Variants in PPP1R3A observed in about 807,000 individuals in gnomAD.
The protein encoded by PPP1R3A is protein phosphatase 1 regulatory subunit 3A.
Under a neutral mutation model 41.7 loss-of-function variants are expected in PPP1R3A, and 29 were observed. That is an observed-to-expected ratio of 0.70 (90% CI 0.52 to 0.95). The LOEUF (loss-of-function observed/expected upper bound fraction) is 0.95, where lower values mean the gene tolerates loss of function less well. PPP1R3A is among the 40% of genes least tolerant of loss of function. The pLI, the probability that PPP1R3A is intolerant of heterozygous loss-of-function variation, is 0.00. For missense variants in PPP1R3A, 1,352 were observed against 1,292.4 expected, an observed-to-expected ratio of 1.05 and a Z score of -0.71; for synonymous variants, 485 against 453.4, an observed-to-expected ratio of 1.07 and a Z score of -0.89.
intron 1 of PPP1R3A, among the ~76,000 whole-genome samples, chr7:113,896,192 C>T (rs1796972386): frequency 6.6e-6 from 1 of 151,868 alleles, no homozygotes. Flanking sequence ...CAAATGTCCA[C>T]ATTTTGTGTT....
chr7:113,910,388 T>A (rs991321109), intron 1 of PPP1R3A, among the ~76,000 whole-genome samples: 65 of 152,168 alleles, frequency 4.3e-4, no homozygotes, highest in African/African-American at 1.3e-3. Context: ...AAGTACTGTA[T>A]TAACATTGGA....
At position 113,879,061 on chromosome 7, in the gene PPP1R3A, T is replaced by C. The variant is rs1265436790; in HGVS notation, c.2031A>G (p.Lys677=). 6.2e-7 allele frequency: 1 copy of C among 1,613,798 alleles called. No individual in the cohort carries two copies. The highest frequency in any genetic ancestry group is 8.5e-7 in the Non-Finnish European group (1 of 1,179,806). ...ACACGTCTTCACAATCTGTTTGTCC[T>C]TTGATATGCTCTGTTATGTTTGTCT... ...ENKTNITEHI[K]GQTDCEDVWG... is the part of the protein sequence containing the mutation. The change falls in exon 4 of 4, where the codon AAA becomes AAG. Residue 677 remains lysine, a synonymous_variant. Transcript: ENST00000284601.
chr7:113,888,987 C>T (rs1015564871), intron 1 of PPP1R3A, among the ~76,000 whole-genome samples: 1 of 152,136 alleles, frequency 6.6e-6, no homozygotes, highest in Non-Finnish European at 1.5e-5. Context: ...AACAATAGTT[C>T]CCAGAATTGC....
At position 113,897,167 on chromosome 7, in the gene PPP1R3A, C is replaced by T. The variant is rs573970361; in HGVS notation, c.783-14847G>A. Among the ~76,000 whole-genome samples the T allele has an allele frequency of 7.2e-5, 11 of 151,886 alleles. 1 individual carries two copies. The highest frequency in any genetic ancestry group is 4.1e-4 in the South Asian group (2 of 4,826). On this transcript the variant is annotated intron_variant, in intron 1 of 3. Transcript: ENST00000284601. ...TCTCTTAAATTTCAGGAGATACAGA[C>T]GCTTAGTTCTTTACTTGTAAACTCC... is the stretch of plus-strand genomic sequence containing the variant.
intron 1 of PPP1R3A, among the ~76,000 whole-genome samples, chr7:113,914,379 T>C (rs1797304957): frequency 6.6e-6 from 1 of 152,164 alleles, no homozygotes. Flanking sequence ...TTATCCCTTT[T>C]GGTCTAGTTC....
chr7:113,892,363 A>G (rs947015977), intron 1 of PPP1R3A, among the ~76,000 whole-genome samples: 5 of 152,054 alleles, frequency 3.3e-5, no homozygotes, highest in Admixed American at 6.6e-5. Flanking sequence ...TATATAGTGT[A>G]TTGTGGACTG....
chr7:113,894,312 T>C (rs1796943635), intron 1 of PPP1R3A, among the ~76,000 whole-genome samples: 1 of 152,026 alleles, frequency 6.6e-6, no homozygotes, highest in African/African-American at 2.4e-5. Context: ...CTGCCAATCA[T>C]ATTCAATCGA....
chr7:113,902,765 A>C (rs111953273), intron 1 of PPP1R3A, among the ~76,000 whole-genome samples: 148 of 152,002 alleles, frequency 9.7e-4, no homozygotes, highest in Non-Finnish European at 1.8e-3. Flanking sequence ...AATTGCATTT[A>C]TCTGGTAACC....
At chr7:113,900,064 CT>C (rs11311268) in intron 1 of PPP1R3A, among the ~76,000 whole-genome samples, 46,707 of 149,924 alleles carry the variant, frequency 0.31, 7,199 homozygotes, top group Admixed American at 0.39. Context: ...TTTAAATTTA[CT>C]TTTTTTTTTA....
chr7:113,879,118 A>G lies in PPP1R3A; in HGVS notation c.1974T>C (p.Val658=). The G allele has an allele frequency of 1.2e-6, 2 of 1,613,790 alleles. No individual in the cohort carries two copies. Among genetic ancestry groups the G allele is most frequent in the South Asian group, 1.1e-5 (1 of 91,074 alleles). Residue 658 remains valine, a synonymous_variant, in exon 4 of 4, where the codon GTT becomes GTC. Transcript: ENST00000284601. ...CTCTTGATTTTCCCTGACTTTCCAG[A>G]ACATTCCAACTTTGTTTATGCTGTG... The part of the protein sequence containing the change: ...NSPQHKQSWN[V]LESQGKSREN...
chr7:113,903,552 A>G (rs1406349074), intron 1 of PPP1R3A, among the ~76,000 whole-genome samples: 1 of 151,776 alleles, frequency 6.6e-6, no homozygotes, highest in Non-Finnish European at 1.5e-5. Context: ...ATGAAGGACC[A>G]TTCGTATAAC....
chr7:113,891,174 C>T (rs998154958), intron 1 of PPP1R3A, among the ~76,000 whole-genome samples: 5 of 150,090 alleles, frequency 3.3e-5, no homozygotes, highest in African/African-American at 1.2e-4. Context: ...AATTACTCAC[C>T]ATTTGACTTT....
chr7:113,879,255 T>A lies in PPP1R3A; in HGVS notation c.1837A>T (p.Ile613Leu), dbSNP rs1485197002. ...CTTGATGAACAAACTTGACCAGTTA[T>A]CCCTCCTAAAGCGCTGCCTTCACTA... ...LTSEGSALGG[I>L]TGQVCSSRTG... The change falls in exon 4 of 4, where the codon ATA becomes TTA. Residue 613 changes from isoleucine (I) to leucine (L), a missense_variant. Transcript: ENST00000284601. 1 of 1,613,628 alleles carries A rather than the reference T, an allele frequency of 6.2e-7. No individual in the cohort carries two copies. Among genetic ancestry groups the A allele is most frequent in the East Asian group, 2.2e-5 (1 of 44,854 alleles).
At chr7:113,910,685 TA>T (rs565546081) in intron 1 of PPP1R3A, among the ~76,000 whole-genome samples, 165 of 152,240 alleles carry the variant, frequency 1.1e-3, no homozygotes, top group African/African-American at 3.8e-3. Context: ...TTAGCAACTC[TA>T]TGTGATTTGT....
At chr7:113,908,002 T>C (rs1797173274) in intron 1 of PPP1R3A, among the ~76,000 whole-genome samples, 1 of 151,758 alleles carries the variant, frequency 6.6e-6, no homozygotes, top group African/African-American at 2.4e-5. Flanking sequence ...CATGGGAAAA[T>C]GTTGCTAGAA....
chr7:113,918,215 C>T lies in PPP1R3A; in HGVS notation c.782G>A (p.Ser261Asn). 1.3e-6 allele frequency: 2 copies of T among 1,596,214 alleles called. No homozygotes were observed. The highest frequency in any genetic ancestry group is 1.7e-6 in the Non-Finnish European group (2 of 1,173,792). ...QIKGCLKVKSSKEESSVTSEE... is the reference protein window; with the variant it reads ...QIKGCLKVKSNKEESSVTSEE... The stretch of plus-strand genomic sequence containing the variant: ...TAAAATATGTAAGATATATCCTCAC[C>T]TTGATTTTACCTTTAAGCAGCCTTT... The change falls in exon 1 of 4, where the codon AGT becomes AAT. Residue 261 changes from serine to asparagine, a missense_variant and splice_region_variant. Coordinates refer to ENST00000284601, the MANE Select transcript of PPP1R3A (RefSeq NM_002711.4).
intron 1 of PPP1R3A, among the ~76,000 whole-genome samples, chr7:113,908,209 A>C (rs1291532631): frequency 6.6e-6 from 1 of 151,922 alleles, no homozygotes; most frequent in East Asian, 1.9e-4. Flanking sequence ...TTGGAATGAG[A>C]TATTACCGAT....
At chr7:113,902,646 CAG>C (rs1562924232) in intron 1 of PPP1R3A, among the ~76,000 whole-genome samples, 1 of 151,838 alleles carries the variant, frequency 6.6e-6, no homozygotes, top group Non-Finnish European at 1.5e-5. Context: ...CAGCATAGAA[CAG>C]AGTCATCGCT....
Position 113,878,138 on chromosome 7 carries a change from G to A in PPP1R3A, c.2954C>T (p.Ser985Leu), listed in dbSNP as rs1203352401. 29 of 1,613,260 alleles carry A rather than the reference G, an allele frequency of 1.8e-5. No individual in the cohort carries two copies. The highest frequency in any genetic ancestry group is 2.3e-5 in the Non-Finnish European group (27 of 1,179,584). Residue 985 changes from serine (S) to leucine (L), a missense_variant, in exon 4 of 4, where the codon TCA (serine) becomes TTA (leucine). Coordinates refer to ENST00000284601, the MANE Select transcript of PPP1R3A (RefSeq NM_002711.4). ...TATGCATCTTTCTTTTCTACTACCT[G>A]ATGTCACTATTCCTGAACTTCTGGA... ...EVSRSSGIVT[S>L]GSRKERCIGQ...
Sources: gnomAD v4.1 joint callset for allele counts (sites outside exome capture counted in the v4.1 genomes callset) on GRCh38, gnomAD v4.1.1 for gene constraint, MANE v1.5 for transcripts, NCBI Gene and HGNC (gene_info 2026-07-23, HGNC 2026-07-21) for gene names.